NAALADL2: variants seen among roughly 807,000 people sequenced by gnomAD.
NAALADL2 encodes the protein inactive N-acetylated-alpha-linked acidic dipeptidase-like protein 2.
NAALADL2 carries 76 observed loss-of-function variants against 87.2 expected under a neutral mutation model. That is an observed-to-expected ratio of 0.87 (90% confidence interval 0.72 to 1.05). The LOEUF (loss-of-function observed/expected upper bound fraction) is 1.05, where lower values mean the gene tolerates loss of function less well. Among genes scored for constraint, NAALADL2 ranks in the 50% least tolerant of loss-of-function variants. The pLI is 0.00. For synonymous variants in NAALADL2, 354 were observed against 331.0 expected, an observed-to-expected ratio of 1.07 and a Z score of -0.75; for missense variants, 1,089 against 945.8, an observed-to-expected ratio of 1.15 and a Z score of -1.99.
At chr3:175,057,386 T>C (rs771027336) in intron 1 of NAALADL2, among the ~76,000 whole-genome samples, 3 of 152,152 alleles carry the variant, frequency 2.0e-5, no homozygotes, top group African/African-American at 4.8e-5. Flanking sequence ...TCAAGATAAA[T>C]AGATGTGCTA....
At chr3:175,756,584 A>G (rs1747288634) in intron 13 of NAALADL2, among the ~76,000 whole-genome samples, 1 of 152,166 alleles carries the variant, frequency 6.6e-6, no homozygotes, top group Admixed American at 6.6e-5. Flanking sequence ...AGAAAATCAA[A>G]TACCGCATGT....
chr3:175,594,387 A>T (rs1197734026), intron 10 of NAALADL2, among the ~76,000 whole-genome samples: 1 of 152,038 alleles, frequency 6.6e-6, no homozygotes, highest in African/African-American at 2.4e-5. Flanking sequence ...TTTTCTATTC[A>T]GTCCACTACT....
At chr3:175,423,921 G>C (rs1716321180) in intron 5 of NAALADL2, among the ~76,000 whole-genome samples, 1 of 152,128 alleles carries the variant, frequency 6.6e-6, no homozygotes, top group African/African-American at 2.4e-5. Context: ...ATCCTCTCCA[G>C]CACCTGTTGT....
chr3:174,605,011 C>T (rs1019948296), intron 2 of NAALADL2, among the ~76,000 whole-genome samples: 1 of 152,112 alleles, frequency 6.6e-6, no homozygotes. Flanking sequence ...CCTCAGCCTC[C>T]CAAAGTACTG....
intron 1 of NAALADL2, among the ~76,000 whole-genome samples, chr3:174,894,437 A>C (rs1731239154): frequency 6.6e-6 from 1 of 151,182 alleles, no homozygotes; most frequent in Non-Finnish European, 1.5e-5. Flanking sequence ...CTAAAAATAC[A>C]AAAAAAATTA....
At chr3:174,984,853 G>C (rs1291140904) in intron 1 of NAALADL2, among the ~76,000 whole-genome samples, 3 of 152,134 alleles carry the variant, frequency 2.0e-5, no homozygotes, top group African/African-American at 7.2e-5. Context: ...TTCCTCTGTA[G>C]AGTTACAAGC....
At chr3:174,717,036 T>G (rs879889085) in intron 2 of NAALADL2, among the ~76,000 whole-genome samples, 1 of 152,196 alleles carries the variant, frequency 6.6e-6, no homozygotes, top group Non-Finnish European at 1.5e-5. Flanking sequence ...CAGAGAAAAC[T>G]TCAGTACATT....
chr3:175,718,402 A>C (rs1741699921), intron 11 of NAALADL2: 8 of 1,591,972 alleles, frequency 5.0e-6, no homozygotes, highest in African/African-American at 2.7e-5. Flanking sequence ...CTCCATTCAT[A>C]TTAATTTTTG....
chr3:174,610,414 C>T (rs1053073517), intron 2 of NAALADL2, among the ~76,000 whole-genome samples: 1 of 151,504 alleles, frequency 6.6e-6, no homozygotes, highest in African/African-American at 2.4e-5. Context: ...GCAACCTACT[C>T]ATCTGACAAA....
At chr3:174,515,077 A>G (rs1156635012) in intron 1 of NAALADL2, among the ~76,000 whole-genome samples, 1 of 152,182 alleles carries the variant, frequency 6.6e-6, no homozygotes, top group Non-Finnish European at 1.5e-5. Context: ...AATTATAGTG[A>G]AGCAATATTA....
chr3:175,150,618 A>T (rs1731411215), intron 2 of NAALADL2, among the ~76,000 whole-genome samples: 1 of 152,158 alleles, frequency 6.6e-6, no homozygotes, highest in South Asian at 2.1e-4. Context: ...CTTAATTTGC[A>T]TTCATTTGTC....
At chr3:175,647,294 T>G (rs1730146140) in intron 11 of NAALADL2, among the ~76,000 whole-genome samples, 1 of 152,122 alleles carries the variant, frequency 6.6e-6, no homozygotes, top group Non-Finnish European at 1.5e-5. Flanking sequence ...ATTACTAGTT[T>G]GGGTTTGTTG....
rs1297830446 is a variant in NAALADL2, at chr3:175,809,511, T to TAAAAAAAA, written c.*6329_*6336dup. 3.2e-5 allele frequency: 1 copy of TAAAAAAAA among 31,506 alleles called. No homozygotes were observed. Among genetic ancestry groups the TAAAAAAAA allele is most frequent in the African/African-American group, 1.3e-4 (1 of 7,584 alleles). The allele number at this position is 31,506 out of a possible 1,614,324, so 2.0% of individuals were successfully genotyped here. A position where few individuals can be genotyped will look rare whatever the true frequency, so the allele number is the denominator to read the frequency against. On this transcript the variant is annotated 3_prime_UTR_variant, in exon 14 of 14. Coordinates refer to ENST00000454872, the MANE Select transcript of NAALADL2 (RefSeq NM_207015.3). ...CAACAAAGTGAGACCCTGTCTCTCT[T>TAAAAAAAA]AAAAAAAAAAAAAAAAAAAAAAAAA...
intron 9 of NAALADL2, among the ~76,000 whole-genome samples, chr3:175,476,209 G>A (rs1446114217): frequency 6.6e-6 from 1 of 152,044 alleles, no homozygotes; most frequent in Non-Finnish European, 1.5e-5. Context: ...CTTGTCTATA[G>A]TATTATGTCT....
rs190300359 is a variant in NAALADL2 at position 175,739,646 on chromosome 3, A to G, written c.1990+2247A>G. Reference sequence around the variant, plus strand: ...ATCTCCTGAATCCACTTTTTCATTCATTTAACAAATATTTATTGAGCCTCT... The same window carrying G: ...ATCTCCTGAATCCACTTTTTCATTCGTTTAACAAATATTTATTGAGCCTCT... On this transcript the variant is annotated intron_variant, in intron 12 of 13. Transcript: ENST00000454872. Among the ~76,000 whole-genome samples, 642 of 152,328 alleles carry G rather than the reference A, an allele frequency of 4.2e-3. 2 individuals are homozygous for G. Among genetic ancestry groups the G allele is most frequent in the South Asian group, 0.021 (102 of 4,830 alleles).
intron 11 of NAALADL2, among the ~76,000 whole-genome samples, chr3:175,674,401 G>A (rs369642971): frequency 6.6e-5 from 10 of 151,596 alleles, no homozygotes; most frequent in Admixed American, 2.6e-4. Flanking sequence ...CTGGGACTAC[G>A]GATGCACACC....
At chr3:175,785,234 G>C (rs1233882030) in intron 13 of NAALADL2, among the ~76,000 whole-genome samples, 7 of 149,520 alleles carry the variant, frequency 4.7e-5, no homozygotes, top group East Asian at 1.9e-4. Flanking sequence ...TTGGTGCAGA[G>C]CTGAGTTCAA....
chr3:174,710,242 T>TC (rs1286629931), intron 2 of NAALADL2, among the ~76,000 whole-genome samples: 2 of 150,368 alleles, frequency 1.3e-5, no homozygotes, highest in Non-Finnish European at 3.0e-5. Context: ...TTTTTTTTTT[T>TC]TTCTTTTTCT....
chr3:175,185,244 T>G (rs1737153531), intron 2 of NAALADL2, among the ~76,000 whole-genome samples: 1 of 152,114 alleles, frequency 6.6e-6, no homozygotes, highest in Non-Finnish European at 1.5e-5. Flanking sequence ...ATCCTATCTA[T>G]ACAGCTGAAG....
Sources: allele counts gnomAD v4.1 joint callset (sites outside exome capture counted in the v4.1 genomes callset), GRCh38; gene constraint gnomAD v4.1.1; transcripts MANE v1.5; gene names NCBI Gene and HGNC (gene_info 2026-07-23, HGNC 2026-07-21).